The following PARP16 variants were observed in gnomAD, a reference collection of about 807,000 sequenced individuals.
The protein encoded by PARP16 is poly(ADP-ribose) polymerase family member 16.
PARP16 carries 31 observed loss-of-function variants against 35.0 expected under a neutral mutation model. The ratio of observed to expected loss-of-function variants is 0.88; its 90% confidence interval spans 0.66 to 1.19. The LOEUF (loss-of-function observed/expected upper bound fraction) is 1.19. Among genes scored for constraint, PARP16 ranks in the 50% most tolerant of loss-of-function variants. The pLI, the probability that PARP16 is intolerant of heterozygous loss-of-function variation, is 0.00. For synonymous variants in PARP16, 162 were observed against 169.5 expected (o/e 0.96, Z 0.34); for missense variants, 424 against 411.2 (o/e 1.03, Z -0.27).
chr15:65,251,052 T>A (rs1409515375), intron 2 of PARP16, among the ~76,000 whole-genome samples: 2 of 151,896 alleles, frequency 1.3e-5, no homozygotes, highest in African/African-American at 2.4e-5. Flanking sequence ...CCCAGTTAAT[T>A]TTTGTATTTT....
rs756333312 is a variant in PARP16, at chr15:65,263,176, C to G, written c.664G>C (p.Asp222His). 4.3e-6 allele frequency: 7 copies of G among 1,613,986 alleles called. No individual in the cohort carries two copies. In the African/African-American group the frequency reaches 9.3e-5, roughly 22 times the overall value. Reference protein sequence around the residue: ...VAVCEVIDHPDVKCQTKKKDS... With the variant: ...VAVCEVIDHPHVKCQTKKKDS... ...TTCTTCTTGGTTTGGCACTTGACGTCCGGATGGTCAATGACCTCACACACG... is the reference window on the plus strand; with the variant it reads ...TTCTTCTTGGTTTGGCACTTGACGTGCGGATGGTCAATGACCTCACACACG... The change falls in exon 4 of 6, where the codon GAC becomes CAC. Residue 222 changes from aspartate (D) to histidine (H), a missense_variant. Physicochemically the swap from Asp to His is moderately conservative, Grantham distance 81 (BLOSUM62 -1). Transcript: ENST00000649807.
At chr15:65,233,255 T>C (rs80146952), downstream of PARP16, among the ~76,000 whole-genome samples, 1,255 of 151,548 alleles carry the variant, frequency 8.3e-3, 23 homozygotes, top group African/African-American at 0.029. Context: ...CTACTAAAAA[T>C]ACAAAAAAAT....
intron 1 of PARP16, among the ~76,000 whole-genome samples, chr15:65,284,337 CTTTTTTTTTTTTTTTTT>C (rs34254507): frequency 1.5e-5 from 1 of 67,034 alleles, no homozygotes. Flanking sequence ...TTTCTTTCCT[CTTTTTTTTTTTTTTTTT>C]TTTTTTTTGA....
chr15:65,230,925 G>A (rs1013326752), downstream of PARP16, among the ~76,000 whole-genome samples: 6 of 109,216 alleles, frequency 5.5e-5, no homozygotes, highest in Non-Finnish European at 8.4e-5. Flanking sequence ...GTCTTGCTCT[G>A]TCACCTGGGC....
intron 1 of PARP16, among the ~76,000 whole-genome samples, chr15:65,283,055 C>G (rs2090466670): frequency 6.6e-6 from 1 of 152,144 alleles, no homozygotes; most frequent in Admixed American, 6.5e-5. Flanking sequence ...CCAAACAAAC[C>G]TGATTGCATT....
intron 1 of PARP16, among the ~76,000 whole-genome samples, chr15:65,285,210 TCAC>T (rs34440719): frequency 0.4 from 60,391 of 150,520 alleles, 13,716 homozygotes; most frequent in East Asian, 0.85. Context: ...CAATCTCGGC[TCAC>T]CACAACGTCC....
chr15:65,274,381 C>T (rs778178027), intron 1 of PARP16, among the ~76,000 whole-genome samples: 4 of 151,624 alleles, frequency 2.6e-5, no homozygotes, highest in Non-Finnish European at 2.9e-5. Context: ...GGCAACATGG[C>T]GAAACCGCAT....
intron 3 of PARP16, among the ~76,000 whole-genome samples, chr15:65,241,035 C>T (rs2089063012): frequency 6.6e-6 from 1 of 151,760 alleles, no homozygotes; most frequent in African/African-American, 2.4e-5. Context: ...GGGGTTTTGC[C>T]ATGTTGGCCA....
chr15:65,286,507 C>G lies in PARP16; in HGVS notation c.-81G>C. The stretch of plus-strand genomic sequence containing the variant: ...GTGCGTTCAGCGCGGGGGCTGGGCC[C>G]GCGGACAATGGGCCGTCAGGGGCCG... On this transcript the variant is annotated 5_prime_UTR_variant, in exon 1 of 6. Transcript: ENST00000649807. 8.8e-7 allele frequency: 1 copy of G among 1,133,332 alleles called. No homozygotes were observed. The highest frequency in any genetic ancestry group is 1.2e-6 in the Non-Finnish European group (1 of 850,978). 70.2% of individuals were successfully genotyped at this position (1,133,332 alleles called of 1,614,324 possible).
downstream of PARP16, among the ~76,000 whole-genome samples, chr15:65,256,256 C>CTGCCCG (rs2089505892): frequency 6.6e-6 from 1 of 152,170 alleles, no homozygotes; most frequent in Non-Finnish European, 1.5e-5. Flanking sequence ...GTGATTTACT[C>CTGCCCG]TGCCCTGGGC....
chr15:65,267,678 CTTTTTTTTTTTT>C (rs556058787), intron 2 of PARP16, among the ~76,000 whole-genome samples: 4 of 53,034 alleles, frequency 7.5e-5, no homozygotes, highest in Non-Finnish European at 9.7e-5. Flanking sequence ...ATTTTCCTAA[CTTTTTTTTTTTT>C]TTTTTTTTTT....
intron 1 of PARP16, among the ~76,000 whole-genome samples, chr15:65,274,577 T>TA (rs35324263): frequency 4.8e-4 from 67 of 140,162 alleles, no homozygotes; most frequent in African/African-American, 1.6e-3. Context: ...CTGTCTCGAA[T>TA]AAAAAAAAAA....
At chr15:65,235,086 G>A (rs1022543166) in intron 3 of PARP16, among the ~76,000 whole-genome samples, 3 of 152,074 alleles carry the variant, frequency 2.0e-5, no homozygotes, top group Non-Finnish European at 2.9e-5. Flanking sequence ...CATGGCACAT[G>A]TATACATATG....
At chr15:65,239,221 A>T (rs1379205214) in intron 3 of PARP16, among the ~76,000 whole-genome samples, 1 of 151,682 alleles carries the variant, frequency 6.6e-6, no homozygotes, top group Non-Finnish European at 1.5e-5. Context: ...AGGTCAAGAG[A>T]TCGAGACCAT....
downstream of PARP16, among the ~76,000 whole-genome samples, chr15:65,255,516 T>TC (rs1226983964): frequency 6.6e-6 from 1 of 151,844 alleles, no homozygotes; most frequent in African/African-American, 2.4e-5. Context: ...GCCCTAGTCT[T>TC]CCCTCCTGCC....
At chr15:65,269,978 A>G (rs1023898620) in intron 2 of PARP16, among the ~76,000 whole-genome samples, 3 of 152,224 alleles carry the variant, frequency 2.0e-5, no homozygotes, top group African/African-American at 7.2e-5. Context: ...AACTGAATAC[A>G]GATCTCCTGA....
rs146296619 is a variant in PARP16, at chr15:65,274,089, C to A, written c.175-3017G>T. On this transcript the variant is annotated intron_variant, in intron 1 of 5. Transcript: ENST00000649807. The stretch of plus-strand genomic sequence containing the variant: ...TCCTGCATAGCTGGGACTATAGGCA[C>A]ATGCCGCCATGCCCAGCTAATTTTT... Among the ~76,000 whole-genome samples the A allele has an allele frequency of 1.1e-3, 162 of 151,626 alleles. 2 individuals are homozygous for A. Among genetic ancestry groups the A allele is most frequent in the East Asian group, 9.0e-3 (46 of 5,122 alleles).
At chr15:65,280,343 A>C (rs1210291301) in intron 1 of PARP16, among the ~76,000 whole-genome samples, 1 of 151,052 alleles carries the variant, frequency 6.6e-6, no homozygotes, top group Admixed American at 6.6e-5. Context: ...AGGCTGACGT[A>C]GGAGGATCGC....
intron 3 of PARP16, among the ~76,000 whole-genome samples, chr15:65,236,740 A>G (rs2088887607): frequency 6.6e-6 from 1 of 152,200 alleles, no homozygotes; most frequent in African/African-American, 2.4e-5. Flanking sequence ...TGAGAGGCCG[A>G]GGTGGGCGGA....
Sources: allele counts gnomAD v4.1 joint callset (sites outside exome capture counted in the v4.1 genomes callset), GRCh38; gene constraint gnomAD v4.1.1; transcripts MANE v1.5; gene names NCBI Gene and HGNC (gene_info 2026-07-23, HGNC 2026-07-21).